The following FGF12 variants were observed in gnomAD, a reference collection of about 807,000 sequenced individuals.
FGF12 encodes fibroblast growth factor 12B.
Under a neutral mutation model 23.6 loss-of-function variants are expected in FGF12, and 14 were observed. The observed-to-expected ratio is 0.59, with a 90% confidence interval of 0.39 to 0.93. The LOEUF is 0.93. Ranked by LOEUF, FGF12 falls within the 40% of genes least tolerant of loss-of-function variation. The probability of loss-of-function intolerance (pLI) is 0.00; values close to 1 mark genes in which losing one functional copy is unlikely to be tolerated. For missense variants in FGF12, 175 were observed against 217.8 expected (o/e 0.80, Z 1.24); for synonymous variants, 62 against 77.3 (o/e 0.80, Z 1.04).
intron 2 of FGF12, among the ~76,000 whole-genome samples, chr3:192,640,771 A>G (rs186480338): frequency 1.8e-4 from 27 of 151,782 alleles, no homozygotes; most frequent in Admixed American, 1.7e-3. Context: ...ATTTTTGTAT[A>G]GGCTGAGAGT....
At chr3:192,328,861 A>G (rs1168629450) in intron 4 of FGF12, among the ~76,000 whole-genome samples, 3 of 152,198 alleles carry the variant, frequency 2.0e-5, no homozygotes, top group Non-Finnish European at 4.4e-5. Flanking sequence ...CTGGTGCCTG[A>G]GATGTGGTAG....
chr3:192,458,685 G>T (rs1722761090), intron 2 of FGF12, among the ~76,000 whole-genome samples: 1 of 152,132 alleles, frequency 6.6e-6, no homozygotes, highest in Non-Finnish European at 1.5e-5. Flanking sequence ...TCTCAGATAA[G>T]ACTTTGGACT....
chr3:192,227,223 T>A (rs1226090734), intron 4 of FGF12, among the ~76,000 whole-genome samples: 1 of 152,186 alleles, frequency 6.6e-6, no homozygotes, highest in Non-Finnish European at 1.5e-5. Flanking sequence ...ACTACTCTGT[T>A]TCCTCATACT....
At chr3:192,646,269 A>G (rs62293053) in intron 2 of FGF12, among the ~76,000 whole-genome samples, 4,743 of 152,188 alleles carry the variant, frequency 0.031, 80 homozygotes, top group Middle Eastern at 0.065. Context: ...GTCAACGTTT[A>G]ATAAAAGAGG....
intron 2 of FGF12, among the ~76,000 whole-genome samples, chr3:192,500,972 G>A (rs368123502): frequency 1.8e-4 from 28 of 152,202 alleles, no homozygotes; most frequent in African/African-American, 6.5e-4. Context: ...ACTCTCAGCC[G>A]CTGTAGTAGA....
chr3:192,457,141 C>A (rs1722706006), intron 2 of FGF12, among the ~76,000 whole-genome samples: 1 of 152,176 alleles, frequency 6.6e-6, no homozygotes, highest in African/African-American at 2.4e-5. Context: ...TCTGAGGCCT[C>A]CCCAGCCATG....
intron 2 of FGF12, among the ~76,000 whole-genome samples, chr3:192,481,130 T>G (rs565469938): frequency 6.6e-6 from 1 of 152,334 alleles, no homozygotes; most frequent in South Asian, 2.1e-4. Context: ...GCTGTATGTC[T>G]TGTTCAGAAT....
chr3:192,354,728 C>T (rs1328904807), intron 3 of FGF12, among the ~76,000 whole-genome samples: 1 of 152,140 alleles, frequency 6.6e-6, no homozygotes, highest in Non-Finnish European at 1.5e-5. Context: ...GTTTTCGAGA[C>T]AGAGTCTCGC....
intron 4 of FGF12, among the ~76,000 whole-genome samples, chr3:192,213,461 T>C (rs1213943819): frequency 6.6e-6 from 1 of 152,196 alleles, no homozygotes; most frequent in African/African-American, 2.4e-5. Context: ...TATTTTCTCA[T>C]TTATAAATAT....
chr3:192,652,244 G>A (rs3898006), intron 2 of FGF12, among the ~76,000 whole-genome samples: 86,772 of 152,060 alleles, frequency 0.57, 25,175 homozygotes, highest in East Asian at 0.67. Flanking sequence ...ATGTTCATGA[G>A]AATCAGAGAC....
intron 2 of FGF12, among the ~76,000 whole-genome samples, chr3:192,369,148 T>C (rs1719113876): frequency 6.6e-6 from 1 of 152,198 alleles, no homozygotes; most frequent in Non-Finnish European, 1.5e-5. Context: ...TCCCAGCACC[T>C]AACACAGTGC....
intron 2 of FGF12, among the ~76,000 whole-genome samples, chr3:192,564,887 T>C (rs917836806): frequency 6.6e-6 from 1 of 152,224 alleles, no homozygotes; most frequent in African/African-American, 2.4e-5. Context: ...CAAATTGCAT[T>C]GGTTCTAATC....
intron 4 of FGF12, among the ~76,000 whole-genome samples, chr3:192,219,035 A>G (rs966912625): frequency 1.3e-5 from 2 of 152,154 alleles, no homozygotes; most frequent in African/African-American, 2.4e-5. Context: ...GGTAAATGCA[A>G]TGTTATAAAA....
intron 2 of FGF12, among the ~76,000 whole-genome samples, chr3:192,393,664 T>C (rs1439097582): frequency 1.3e-5 from 2 of 152,090 alleles, no homozygotes; most frequent in African/African-American, 4.8e-5. Flanking sequence ...CCTATGGAAA[T>C]AGATAATGTG....
At chr3:192,666,085 A>ACATACCC (rs1364287472) in intron 2 of FGF12, among the ~76,000 whole-genome samples, 4 of 152,214 alleles carry the variant, frequency 2.6e-5, no homozygotes, top group Non-Finnish European at 4.4e-5. Context: ...TTGGAAATGA[A>ACATACCC]CATACCCCAA....
At chr3:192,159,785 A>G (rs1449016996) in intron 5 of FGF12, among the ~76,000 whole-genome samples, 1 of 152,150 alleles carries the variant, frequency 6.6e-6, no homozygotes, top group Non-Finnish European at 1.5e-5. Context: ...TATCCTGAAC[A>G]TAGAGGCTAT....
At chr3:192,553,948 G>A (rs967745191) in intron 2 of FGF12, among the ~76,000 whole-genome samples, 1 of 152,122 alleles carries the variant, frequency 6.6e-6, no homozygotes, top group East Asian at 1.9e-4. Context: ...CTTCCCCTCT[G>A]GCTCAGTGCA....
At chr3:192,218,177 G>T (rs181663886) in intron 4 of FGF12, among the ~76,000 whole-genome samples, 84 of 152,218 alleles carry the variant, frequency 5.5e-4, no homozygotes, top group Admixed American at 1.2e-3. Flanking sequence ...TCTATTAATG[G>T]ATCTAAAAAG....
intron 2 of FGF12, among the ~76,000 whole-genome samples, chr3:192,578,480 C>T (rs1423967898): frequency 6.6e-6 from 1 of 152,268 alleles, no homozygotes; most frequent in South Asian, 2.1e-4. Context: ...AACAACAATG[C>T]ATATATTCAA....
Sources: allele counts gnomAD v4.1 joint callset (sites outside exome capture counted in the v4.1 genomes callset), GRCh38; gene constraint gnomAD v4.1.1; transcripts MANE v1.5; gene names NCBI Gene and HGNC (gene_info 2026-07-23, HGNC 2026-07-21).